ZNF423: variants seen among roughly 807,000 people sequenced by gnomAD.
ZNF423 encodes Ebf-associated zinc finger protein.
Under a neutral mutation model 95.8 loss-of-function variants are expected in ZNF423, and 12 were observed. That is an observed-to-expected ratio of 0.13 (90% confidence interval 0.08 to 0.20). The LOEUF (loss-of-function observed/expected upper bound fraction) is 0.20, where lower values mean the gene tolerates loss of function less well. Ranked by LOEUF, ZNF423 falls within the 10% of genes least tolerant of loss-of-function variation. The pLI, the probability that ZNF423 is intolerant of heterozygous loss-of-function variation, is 1.00. For synonymous variants in ZNF423, 749 were observed against 711.9 expected, an observed-to-expected ratio of 1.05 and a Z score of -0.83; for missense variants, 1,316 against 1,737.1, an observed-to-expected ratio of 0.76 and a Z score of 4.31.
chr16:49,575,691 C>T (rs565568551), intron 5 of ZNF423, among the ~76,000 whole-genome samples: 1 of 152,312 alleles, frequency 6.6e-6, no homozygotes, highest in Admixed American at 6.5e-5. Context: ...CAGCATTTGC[C>T]CTGGGTGTCC....
intron 5 of ZNF423, among the ~76,000 whole-genome samples, chr16:49,562,191 T>C (rs181187448): frequency 4.8e-4 from 73 of 152,196 alleles, no homozygotes; most frequent in African/African-American, 1.7e-3. Flanking sequence ...CTGACTGCAG[T>C]TGAGAAGGGA....
intron 2 of ZNF423, among the ~76,000 whole-genome samples, chr16:49,754,778 C>T (rs1412875446): frequency 1.3e-5 from 2 of 152,194 alleles, no homozygotes; most frequent in Admixed American, 6.5e-5. Context: ...GGGGGGCTTG[C>T]GGGCCTGGGG....
Position 49,523,627 on chromosome 16 carries a change from C to T in ZNF423, c.3846G>A (p.Leu1282=). 6.2e-7 allele frequency: 1 copy of T among 1,614,002 alleles called. No homozygotes were observed. ...CPQKFFFQTE[L]QNHTMSQHAQ is the part of the protein sequence containing the mutation. ...TGCAGCGGATGTGGGCACCCACCTG[C>T]AGCTCGGTCTGGAAGAAGAACTTCT... is the stretch of plus-strand genomic sequence containing the variant. The change falls in exon 7 of 8, where the codon CTG becomes CTA. Residue 1282 remains leucine (L), a synonymous_variant. Transcript: ENST00000563137.
intron 3 of ZNF423, among the ~76,000 whole-genome samples, chr16:49,660,938 G>A (rs2030185253): frequency 6.6e-6 from 1 of 152,068 alleles, no homozygotes; most frequent in Admixed American, 6.5e-5. Context: ...ATACAGACTG[G>A]GGCTGGGCAT....
At chr16:49,547,187 A>G (rs74504354) in intron 5 of ZNF423, among the ~76,000 whole-genome samples, 1,871 of 152,146 alleles carry the variant, frequency 0.012, 42 homozygotes, top group African/African-American at 0.041. Context: ...TGCCCTTCAC[A>G]TCCATTGCAG....
At chr16:49,848,302 A>C (rs2035266599) in intron 1 of ZNF423, among the ~76,000 whole-genome samples, 1 of 152,190 alleles carries the variant, frequency 6.6e-6, no homozygotes, top group African/African-American at 2.4e-5. Flanking sequence ...TAGGCATGAC[A>C]GCTGGGGATC....
chr16:49,779,156 C>T (rs989107595), intron 2 of ZNF423, among the ~76,000 whole-genome samples: 5 of 151,632 alleles, frequency 3.3e-5, no homozygotes, highest in African/African-American at 1.2e-4. Context: ...ACTGCCAAGC[C>T]AGGGCTGGGC....
chr16:49,825,695 T>C (rs1006486812), intron 1 of ZNF423, among the ~76,000 whole-genome samples: 2 of 152,176 alleles, frequency 1.3e-5, no homozygotes, highest in Non-Finnish European at 2.9e-5. Context: ...ATCTAGATTG[T>C]AGTGGGTGCC....
intron 5 of ZNF423, among the ~76,000 whole-genome samples, chr16:49,529,564 C>G (rs984243262): frequency 6.6e-6 from 1 of 151,988 alleles, no homozygotes; most frequent in Non-Finnish European, 1.5e-5. Flanking sequence ...AGCATCGTGC[C>G]GAGATGATAG....
Position 49,603,244 on chromosome 16 carries a change from C to T in ZNF423, c.3601+22926G>A, listed in dbSNP as rs2019375327. 1.3e-5 allele frequency among the ~76,000 whole-genome samples: 2 copies of T among 152,286 alleles called. No individual in the cohort carries two copies. The highest frequency in any genetic ancestry group is 6.5e-5 in the Admixed American group (1 of 15,298). On this transcript the variant is annotated intron_variant, in intron 5 of 7. Coordinates refer to ENST00000563137, the MANE Select transcript of ZNF423 (RefSeq NM_001379286.1). This position sits in a 1 kb window ranked among gnomAD's most constrained non-coding sequence, Gnocchi z 4.1. ...TCCCCTAGAGTTGTGCAGTAGACAA[C>T]CTGCACAACCATATCCTGCAGGCCT...
At chr16:49,804,796 G>C (rs2143921744) in intron 1 of ZNF423, among the ~76,000 whole-genome samples, 1 of 151,994 alleles carries the variant, frequency 6.6e-6, no homozygotes, top group South Asian at 2.1e-4. Context: ...AACCCTGCAA[G>C]GTAGCTCTGA....
intron 5 of ZNF423, among the ~76,000 whole-genome samples, chr16:49,545,240 T>C (rs181805878): frequency 3.3e-5 from 5 of 152,288 alleles, no homozygotes; most frequent in Admixed American, 3.3e-4. Context: ...GTTGGAACAC[T>C]AAGCTTCTAA....
At chr16:49,754,794 A>C (rs538530893) in intron 2 of ZNF423, among the ~76,000 whole-genome samples, 1 of 152,348 alleles carries the variant, frequency 6.6e-6, no homozygotes, top group Non-Finnish European at 1.5e-5. Context: ...TGGGGTCGGA[A>C]GGAAAGAAAA....
At chr16:49,677,297 A>AGAAGAGAAGGGAAGGGAAGG (rs2031127681) in intron 3 of ZNF423, among the ~76,000 whole-genome samples, 2 of 78,274 alleles carry the variant, frequency 2.6e-5, no homozygotes, top group Non-Finnish European at 5.2e-5. Context: ...AGAAGAGAAG[A>AGAAGAGAAGGGAAGGGAAGG]GAAGAGAAGA....
intron 3 of ZNF423, among the ~76,000 whole-genome samples, chr16:49,712,884 A>G (rs1327247586): frequency 1.3e-5 from 2 of 152,234 alleles, no homozygotes; most frequent in African/African-American, 2.4e-5. Context: ...ATGAAGCCAC[A>G]AACAGAATGA....
chr16:49,778,662 G>A (rs2034161348), intron 2 of ZNF423, among the ~76,000 whole-genome samples: 1 of 152,226 alleles, frequency 6.6e-6, no homozygotes, highest in African/African-American at 2.4e-5. Context: ...GATTGCCCCA[G>A]GCACTGTGGC....
At chr16:49,646,822 T>C (rs992166359) in intron 3 of ZNF423, among the ~76,000 whole-genome samples, 1 of 152,192 alleles carries the variant, frequency 6.6e-6, no homozygotes, top group African/African-American at 2.4e-5. Context: ...TCCACCTGCC[T>C]TGGCCTCCCA....
intron 7 of ZNF423, among the ~76,000 whole-genome samples, chr16:49,511,512 C>A (rs998732668): frequency 1.3e-5 from 2 of 152,196 alleles, no homozygotes; most frequent in African/African-American, 2.4e-5. Context: ...GGACCTCATG[C>A]GTGAGGTCCT....
At chr16:49,643,826 G>T (rs1225218179) in intron 3 of ZNF423, among the ~76,000 whole-genome samples, 1 of 152,110 alleles carries the variant, frequency 6.6e-6, no homozygotes, top group Non-Finnish European at 1.5e-5. Context: ...TAAAAGAGGA[G>T]AGAATTTTTG....
Sources: gnomAD v4.1 joint callset for allele counts (sites outside exome capture counted in the v4.1 genomes callset) on GRCh38, gnomAD v4.1.1 for gene constraint, Gnocchi (gnomAD v3.1) non-coding constraint, MANE v1.5 for transcripts, NCBI Gene and HGNC (gene_info 2026-07-23, HGNC 2026-07-21) for gene names.